Variants in PC observed in about 807,000 individuals in gnomAD.
PC encodes pyruvate carboxylase.
PC carries 46 observed loss-of-function variants against 107.8 expected under a neutral mutation model. That is an observed-to-expected ratio of 0.43 (90% CI 0.34 to 0.55). PC has a LOEUF of 0.55. PC is among the 20% of genes least tolerant of loss of function. The pLI is 0.04. For synonymous variants in PC, 662 were observed against 684.7 expected (o/e 0.97, Z 0.52); for missense variants, 1,241 against 1,643.1 (o/e 0.76, Z 4.23).
At chr11:66,859,998 C>T (rs556065272) in intron 12 of PC, 1 of 1,594,834 alleles carries the variant, frequency 6.3e-7, no homozygotes, top group African/African-American at 1.3e-5. Context: ...ACCCAAGGCC[C>T]ACCCGCCGCG....
At chr11:66,917,343 G>T (rs1356485631) in intron 3 of PC, among the ~76,000 whole-genome samples, 4 of 152,100 alleles carry the variant, frequency 2.6e-5, no homozygotes, top group Non-Finnish European at 5.9e-5. Context: ...AAAGTGCTGG[G>T]GGCCCAAACT....
chr11:66,853,030 G>A (rs1945598939), intron 13 of PC, 194 bp from the exon 14 acceptor site: 1 of 693,632 alleles, frequency 1.4e-6, no homozygotes, highest in Non-Finnish European at 2.4e-6. Flanking sequence ...CCACGTGGAT[G>A]GAAAGGTGGG....
At chr11:66,860,256 CCGCCG>C in intron 12 of PC, 1 of 1,534,998 alleles carries the variant, frequency 6.5e-7, no homozygotes, top group Non-Finnish European at 8.7e-7. Flanking sequence ...GGGCCCGGGG[CCGCCG>C]CCTGGCCTGG....
chr11:66,886,348 G>C (rs1394675614), intron 3 of PC, among the ~76,000 whole-genome samples: 1 of 152,134 alleles, frequency 6.6e-6, no homozygotes, highest in Non-Finnish European at 1.5e-5. Context: ...CTGAGCCTGA[G>C]ACTCAGTCCA....
rs1945311797 is a variant in PC, at chr11:66,849,061, C to G, written c.3375G>C (p.Val1125=). ...CCTTGGCCACCTTGGCCCCTGCCAC[C>G]ACTTTGATGTCTATCACCTTCCCAG... ...PMPGKVIDIK[V]VAGAKVAKGQ... Residue 1125 remains valine, a synonymous_variant, in exon 23 of 23, where the codon GTG becomes GTC. Transcript: ENST00000393960. 6.2e-7 allele frequency: 1 copy of G among 1,614,012 alleles called. No individual in the cohort carries two copies. The highest frequency in any genetic ancestry group is 1.7e-5 in the Admixed American group (1 of 60,014).
intron 3 of PC, among the ~76,000 whole-genome samples, chr11:66,923,564 G>A (rs116703332): frequency 0.012 from 1,768 of 151,366 alleles, 32 homozygotes; most frequent in African/African-American, 0.039. Flanking sequence ...AGGCTGGAGC[G>A]TAGTAGTGGC....
At chr11:66,914,381 A>G (rs943753850) in intron 3 of PC, among the ~76,000 whole-genome samples, 4 of 152,036 alleles carry the variant, frequency 2.6e-5, no homozygotes, top group East Asian at 1.9e-4. Context: ...GCGTGGTGGC[A>G]GGCACCTGTA....
In PC at chr11:66,858,281, C is replaced by T; in HGVS notation, c.1369-4898G>A. The T allele has an allele frequency of 6.2e-7, 1 of 1,611,932 alleles. No homozygotes were observed. Among genetic ancestry groups the T allele is most frequent in the Non-Finnish European group, 8.5e-7 (1 of 1,179,920 alleles). ...TGCACACCCTCAACCTGGACCATAA[C>T]CTTATTGACGCACTGCCCCCAGGCG... On this transcript the variant is annotated intron_variant, in intron 12 of 22. Coordinates refer to ENST00000393960, the MANE Select transcript of PC (RefSeq NM_001040716.2). The surrounding 1 kb of genome is among the most constrained non-coding windows in gnomAD (Gnocchi z 5.9).
intron 12 of PC, among the ~76,000 whole-genome samples, chr11:66,853,635 C>T (rs1478298949): frequency 6.6e-6 from 1 of 152,224 alleles, no homozygotes; most frequent in Non-Finnish European, 1.5e-5. Context: ...GGCCACCCTT[C>T]CTGCCTCCCC....
chr11:66,860,178 G>A (rs1482113576), intron 12 of PC: 3 of 1,546,082 alleles, frequency 1.9e-6, no homozygotes, highest in Middle Eastern at 1.7e-4. Flanking sequence ...CGAGCGGCTG[G>A]AAGAGAGTGT....
intron 3 of PC, among the ~76,000 whole-genome samples, chr11:66,875,178 G>A (rs1565251181): frequency 6.6e-6 from 1 of 151,292 alleles, no homozygotes; most frequent in African/African-American, 2.4e-5. Context: ...GACAGACGAC[G>A]CATGTCTGGG....
At chr11:66,888,287 C>T (rs1411263824) in intron 3 of PC, among the ~76,000 whole-genome samples, 3 of 152,210 alleles carry the variant, frequency 2.0e-5, no homozygotes, top group Non-Finnish European at 2.9e-5. Context: ...GGAGGGAAAA[C>T]GCTTCCCAAG....
At chr11:66,912,761 C>T (rs1232639980) in intron 3 of PC, among the ~76,000 whole-genome samples, 1 of 152,156 alleles carries the variant, frequency 6.6e-6, no homozygotes, top group Non-Finnish European at 1.5e-5. Flanking sequence ...CAAGAAGCAG[C>T]AAGGGAAGAG....
chr11:66,904,861 T>C (rs145424019), intron 3 of PC, among the ~76,000 whole-genome samples: 65 of 152,338 alleles, frequency 4.3e-4, no homozygotes, highest in African/African-American at 1.5e-3. Flanking sequence ...TCATCCATCA[T>C]ATGACCTTGG....
chr11:66,867,510 T>A (rs1022894110), intron 10 of PC, among the ~76,000 whole-genome samples: 1 of 152,234 alleles, frequency 6.6e-6, no homozygotes, highest in African/African-American at 2.4e-5. Flanking sequence ...GCAGCAGAGA[T>A]GACAGCTTCC....
chr11:66,849,949 G>A lies in PC; in HGVS notation c.2886C>T (p.Pro962=), dbSNP rs780732004. The change falls in exon 20 of 23, where the codon CCC becomes CCT. Residue 962 remains proline, a synonymous_variant. Coordinates refer to ENST00000393960, the MANE Select transcript of PC (RefSeq NM_001040716.2). ...IGVPHGGFPE[P]FRSKVLKDLP... ...GGGCCTTCCCTACCTTAGAGCGAAA[G>A]GGTTCGGGGAACCCCCCATGGGGGA... 8.7e-6 allele frequency: 14 copies of A among 1,613,466 alleles called. No individual in the cohort carries two copies. The African/African-American group carries it at 1.3e-4, about 15-fold the overall frequency.
chr11:66,861,599 G>C (rs527991681), intron 12 of PC, among the ~76,000 whole-genome samples: 6 of 152,068 alleles, frequency 3.9e-5, no homozygotes, highest in Non-Finnish European at 7.4e-5. Flanking sequence ...ACAGAGAAGG[G>C]TGTGGGGAGC....
At chr11:66,947,560 CAA>C (rs113612836) in intron 3 of PC, among the ~76,000 whole-genome samples, 2 of 125,056 alleles carry the variant, frequency 1.6e-5, no homozygotes. Context: ...GACTCAGTCT[CAA>C]AAAAAAAAAA....
rs1283060530 is a variant in PC, at chr11:66,872,097, G to A, written c.63C>T (p.Thr21=). The change falls in exon 4 of 23, where the codon ACC becomes ACT. Residue 21 remains threonine, a synonymous_variant. Coordinates refer to ENST00000393960, the MANE Select transcript of PC (RefSeq NM_001040716.2). ...GGACATTTGGGGAGGCAGCGGGGGC[G>A]GTGGAGGTTCGGCGGATTCCCAGGA... The part of the protein sequence containing the change: ...LRLLGIRRTS[T]APAASPNVRR... The A allele has an allele frequency of 4.5e-6, 7 of 1,571,982 alleles. No homozygotes were observed. The highest frequency in any genetic ancestry group is 6.0e-6 in the Non-Finnish European group (7 of 1,159,274).
Sources: gnomAD v4.1 joint callset for allele counts (sites outside exome capture counted in the v4.1 genomes callset) on GRCh38, gnomAD v4.1.1 for gene constraint, Gnocchi (gnomAD v3.1) non-coding constraint, MANE v1.5 for transcripts, NCBI Gene and HGNC (gene_info 2026-07-23, HGNC 2026-07-21) for gene names.